PCDH9: variants seen among roughly 807,000 people sequenced by gnomAD.
PCDH9 encodes the protein protocadherin-9.
In PCDH9, 24 loss-of-function variants were observed where a neutral mutation model predicts 70.6. That is an observed-to-expected ratio of 0.34 (90% CI 0.25 to 0.48). The LOEUF (loss-of-function observed/expected upper bound fraction) is 0.48, where lower values mean the gene tolerates loss of function less well. PCDH9 is among the 20% of genes least tolerant of loss of function. The pLI, the probability that PCDH9 is intolerant of heterozygous loss-of-function variation, is 0.99. For missense variants in PCDH9, 1,281 were observed against 1,503.6 expected, an observed-to-expected ratio of 0.85 and a Z score of 2.45; for synonymous variants, 562 against 558.5, an observed-to-expected ratio of 1.01 and a Z score of -0.09.
At chr13:66,580,593 A>G (rs1176636860) in intron 4 of PCDH9, among the ~76,000 whole-genome samples, 1 of 151,760 alleles carries the variant, frequency 6.6e-6, no homozygotes, top group Non-Finnish European at 1.5e-5. Flanking sequence ...CATTAACACT[A>G]TCAACTTTAG....
intron 3 of PCDH9, among the ~76,000 whole-genome samples, chr13:66,804,485 T>A (rs1002283046): frequency 6.6e-6 from 1 of 151,978 alleles, no homozygotes; most frequent in Non-Finnish European, 1.5e-5. Flanking sequence ...AGAGGAAGAT[T>A]GTAAAGGGAA....
chr13:66,926,710 TTTGA>T (rs2082722934), intron 2 of PCDH9, among the ~76,000 whole-genome samples: 1 of 152,068 alleles, frequency 6.6e-6, no homozygotes. Flanking sequence ...AGAACAGCAT[TTTGA>T]AGAGGTTTCA....
At chr13:66,744,414 T>G (rs1304461540) in intron 3 of PCDH9, among the ~76,000 whole-genome samples, 1 of 152,170 alleles carries the variant, frequency 6.6e-6, no homozygotes, top group African/African-American at 2.4e-5. Flanking sequence ...ATCAGTGAAT[T>G]TTTTAAAAAT....
Position 66,819,129 on chromosome 13 carries a change from C to A in PCDH9, c.3138+84375G>T, listed in dbSNP as rs541508357. 3.4e-3 allele frequency among the ~76,000 whole-genome samples: 511 copies of A among 152,108 alleles called. 2 individuals are homozygous for A. The highest frequency in any genetic ancestry group is 0.012 in the African/African-American group (488 of 41,476). ...TATTCCAGCTCATCAGGTCCTCCAA[C>A]TGAGCATAGGAAAGATAAAATGCTT... is the stretch of plus-strand genomic sequence containing the variant. On this transcript the variant is annotated intron_variant, in intron 3 of 4. Coordinates refer to ENST00000377865, the MANE Select transcript of PCDH9 (RefSeq NM_203487.3).
chr13:66,458,793 T>A (rs1594014054), intron 4 of PCDH9, among the ~76,000 whole-genome samples: 1 of 152,056 alleles, frequency 6.6e-6, no homozygotes. Flanking sequence ...TATAAAATTG[T>A]CATAAAGTAG....
At position 67,228,324 on chromosome 13, in the gene PCDH9, G is replaced by A; in HGVS notation, c.117C>T (p.Pro39=). 3 of 1,614,148 alleles carry A rather than the reference G, an allele frequency of 1.9e-6. No individual in the cohort carries two copies. The highest frequency in any genetic ancestry group is 1.7e-6 in the Non-Finnish European group (2 of 1,179,996). Residue 39 remains proline, a synonymous_variant, in exon 2 of 5, where the codon CCC becomes CCT. Coordinates refer to ENST00000377865, the MANE Select transcript of PCDH9 (RefSeq NM_203487.3). ...TIREELPENV[P]IGNIPKDLNI... ...TCAGATCCTTTGGTATGTTTCCTAT[G>A]GGCACATTTTCAGGCAATTCCTCTC...
At chr13:66,969,074 G>C (rs1206616694) in intron 2 of PCDH9, among the ~76,000 whole-genome samples, 1 of 151,900 alleles carries the variant, frequency 6.6e-6, no homozygotes, top group Non-Finnish European at 1.5e-5. Flanking sequence ...AGCCATACTG[G>C]CATTGCTAAT....
chr13:67,208,912 G>C (rs2089413292), intron 2 of PCDH9: 3 of 152,264 alleles, frequency 2.0e-5, no homozygotes, highest in South Asian at 4.1e-4. Context: ...GGTGAAGTTG[G>C]TCATTACAGA....
intron 3 of PCDH9, among the ~76,000 whole-genome samples, chr13:66,660,792 A>G (rs997230562): frequency 6.6e-6 from 1 of 152,068 alleles, no homozygotes; most frequent in Admixed American, 6.6e-5. Flanking sequence ...TGATACTTGG[A>G]AACAAAATAG....
At chr13:67,063,347 A>C (rs2085576562) in intron 2 of PCDH9, among the ~76,000 whole-genome samples, 4 of 152,174 alleles carry the variant, frequency 2.6e-5, no homozygotes, top group Admixed American at 2.6e-4. Context: ...CAGGAAGTAT[A>C]AATACCAGAA....
intron 4 of PCDH9, among the ~76,000 whole-genome samples, chr13:66,312,996 GCTCA>G (rs1955589978): frequency 6.6e-6 from 1 of 152,166 alleles, no homozygotes. Flanking sequence ...AGACTTTATG[GCTCA>G]CTAAGAATGA....
chr13:66,935,817 A>G (rs2082907000), intron 2 of PCDH9, among the ~76,000 whole-genome samples: 1 of 152,190 alleles, frequency 6.6e-6, no homozygotes, highest in African/African-American at 2.4e-5. Flanking sequence ...ACCATGGCTC[A>G]TGCCTGTAAT....
At chr13:67,081,280 TTAA>T (rs546514406) in intron 2 of PCDH9, among the ~76,000 whole-genome samples, 209 of 152,216 alleles carry the variant, frequency 1.4e-3, no homozygotes, top group African/African-American at 4.6e-3. Flanking sequence ...TGTGAAACAG[TTAA>T]TAAGGCTGGG....
chr13:67,129,918 T>C (rs2087069856), intron 2 of PCDH9, among the ~76,000 whole-genome samples: 1 of 152,076 alleles, frequency 6.6e-6, no homozygotes, highest in African/African-American at 2.4e-5. Flanking sequence ...TTCCTTATTA[T>C]TAATTATTTT....
At chr13:66,599,993 T>C (rs1003677909) in intron 4 of PCDH9, among the ~76,000 whole-genome samples, 1 of 151,896 alleles carries the variant, frequency 6.6e-6, no homozygotes, top group African/African-American at 2.4e-5. Context: ...AAATGGCATA[T>C]TACCTTTATT....
chr13:66,935,614 C>A (rs957647739), intron 2 of PCDH9, among the ~76,000 whole-genome samples: 35 of 151,928 alleles, frequency 2.3e-4, no homozygotes, highest in African/African-American at 8.2e-4. Flanking sequence ...AATAGTTGTT[C>A]AAGTGGAAGT....
chr13:67,023,153 C>CTT (rs78287460), intron 2 of PCDH9, among the ~76,000 whole-genome samples: 6,755 of 145,944 alleles, frequency 0.046, 268 homozygotes, highest in African/African-American at 0.11. Flanking sequence ...CATGAAAATC[C>CTT]TTTTTTTTTT....
intron 3 of PCDH9, among the ~76,000 whole-genome samples, chr13:66,726,175 G>C (rs1023800172): frequency 6.6e-6 from 1 of 152,060 alleles, no homozygotes; most frequent in African/African-American, 2.4e-5. Flanking sequence ...TTCCTACATT[G>C]GAAGGAACTG....
intron 3 of PCDH9, among the ~76,000 whole-genome samples, chr13:66,782,047 G>A (rs1416975493): frequency 6.6e-6 from 1 of 152,096 alleles, no homozygotes; most frequent in Non-Finnish European, 1.5e-5. Context: ...CTTGGATTCA[G>A]AATTTGGTAT....
Sources: allele counts gnomAD v4.1 joint callset (sites outside exome capture counted in the v4.1 genomes callset), GRCh38; gene constraint gnomAD v4.1.1; transcripts MANE v1.5; gene names NCBI Gene and HGNC (gene_info 2026-07-23, HGNC 2026-07-21).